Variants in C1QTNF3 observed in about 807,000 individuals in gnomAD.
The protein encoded by C1QTNF3 is complement C1q tumor necrosis factor-related protein 3.
Under a neutral mutation model 32.6 loss-of-function variants are expected in C1QTNF3, and 26 were observed. The ratio of observed to expected loss-of-function variants is 0.80; its 90% CI spans 0.58 to 1.11. C1QTNF3 has a LOEUF of 1.11. C1QTNF3 is among the 50% of genes least tolerant of loss of function. The pLI is 0.00. For synonymous variants in C1QTNF3, 155 were observed against 146.0 expected (o/e 1.06, Z -0.44); for missense variants, 362 against 398.2 (o/e 0.91, Z 0.77).
At chr5:34,022,318 C>A (rs938966929) in intron 5 of C1QTNF3, among the ~76,000 whole-genome samples, 3 of 152,190 alleles carry the variant, frequency 2.0e-5, no homozygotes, top group African/African-American at 7.2e-5. Context: ...TTCAAATTTG[C>A]ACCAGCAGGA....
At chr5:34,115,823 T>C in the C1QTNF3 span, among the ~76,000 whole-genome samples, 10 of 152,096 alleles carry the variant, frequency 6.6e-5, no homozygotes, top group African/African-American at 2.2e-4. Context: ...GTTAGATATA[T>C]CTTAGATGTT....
chr5:34,211,015 A>G, the C1QTNF3 span, among the ~76,000 whole-genome samples: 3 of 151,640 alleles, frequency 2.0e-5, no homozygotes, highest in South Asian at 4.2e-4. Context: ...GCATTTTATT[A>G]TTTCTATTTC....
the C1QTNF3 span, among the ~76,000 whole-genome samples, chr5:34,203,183 G>A: frequency 6.6e-6 from 1 of 152,054 alleles, no homozygotes; most frequent in East Asian, 1.9e-4. Flanking sequence ...AAAGTAGGAC[G>A]AGAAATCAAA....
chr5:34,119,378 ATGT>A, the C1QTNF3 span, among the ~76,000 whole-genome samples: 1 of 152,174 alleles, frequency 6.6e-6, no homozygotes, highest in Non-Finnish European at 1.5e-5. Context: ...TAAAGATTAG[ATGT>A]CAGGGACATA....
chr5:34,219,502 G>A, the C1QTNF3 span, among the ~76,000 whole-genome samples: 5 of 151,196 alleles, frequency 3.3e-5, no homozygotes, highest in South Asian at 2.1e-4. Context: ...CTGTATCTAC[G>A]TGCTGCACAA....
chr5:34,107,205 G>GTAAAGAACAGTATTCCT, the C1QTNF3 span, among the ~76,000 whole-genome samples: 1 of 122,740 alleles, frequency 8.1e-6, no homozygotes, highest in East Asian at 2.1e-4. Context: ...TTCAACAAAT[G>GTAAAGAACAGTATTCCT]TAAAGAACAG....
At chr5:34,123,727 T>G in the C1QTNF3 span, among the ~76,000 whole-genome samples, 2 of 152,174 alleles carry the variant, frequency 1.3e-5, no homozygotes, top group African/African-American at 2.4e-5. Context: ...ATGAGTATAT[T>G]CTAATTGATA....
chr5:34,169,230 CA>C, the C1QTNF3 span: 1 of 152,220 alleles, frequency 6.6e-6, no homozygotes, highest in Admixed American at 6.5e-5. Context: ...AACGAATTAA[CA>C]CAATTGTGAG....
At chr5:34,027,540 C>G (rs961844406) in intron 4 of C1QTNF3, among the ~76,000 whole-genome samples, 3 of 151,830 alleles carry the variant, frequency 2.0e-5, no homozygotes, top group Non-Finnish European at 4.4e-5. Flanking sequence ...TCTACTAAAA[C>G]TACAAAAATT....
the C1QTNF3 span, among the ~76,000 whole-genome samples, chr5:34,138,408 T>C: frequency 6.6e-6 from 1 of 152,148 alleles, no homozygotes; most frequent in Non-Finnish European, 1.5e-5. Context: ...ATCACTATCA[T>C]TGACTCATGT....
the C1QTNF3 span, among the ~76,000 whole-genome samples, chr5:34,182,329 A>T: frequency 5.3e-5 from 8 of 151,966 alleles, no homozygotes; most frequent in African/African-American, 1.7e-4. Context: ...TACAAAAAAA[A>T]TTTTTTTAAT....
At chr5:34,023,783 G>A (rs1754398208) in intron 5 of C1QTNF3, 126 bp downstream of exon 5, 1 of 616,056 alleles carries the variant, frequency 1.6e-6, no homozygotes, top group East Asian at 2.7e-5. Context: ...TGGTGCATGA[G>A]GGCTCTTATT....
At chr5:34,028,929 G>A (rs1430957680) in intron 3 of C1QTNF3, 46 bp from the exon 4 acceptor site, 1 of 1,566,354 alleles carries the variant, frequency 6.4e-7, no homozygotes, top group Non-Finnish European at 8.7e-7. Flanking sequence ...TTATCTTAAA[G>A]AAGTCAAGTT....
chr5:34,202,946 C>T, the C1QTNF3 span, among the ~76,000 whole-genome samples: 2 of 151,908 alleles, frequency 1.3e-5, no homozygotes, highest in Non-Finnish European at 2.9e-5. Context: ...GTAAATGTGC[C>T]ACCAAATACA....
the C1QTNF3 span, among the ~76,000 whole-genome samples, chr5:34,147,916 G>C: frequency 6.6e-6 from 1 of 152,126 alleles, no homozygotes; most frequent in African/African-American, 2.4e-5. Context: ...CGCAGAAGAC[G>C]GTGATTTCTG....
chr5:34,021,619 A>G (rs1561052966), intron 5 of C1QTNF3, among the ~76,000 whole-genome samples: 1 of 152,232 alleles, frequency 6.6e-6, no homozygotes, highest in Non-Finnish European at 1.5e-5. Context: ...AGGGACATGC[A>G]TGAAGCTGTA....
the C1QTNF3 span, among the ~76,000 whole-genome samples, chr5:34,054,236 C>A: frequency 6.6e-6 from 1 of 152,154 alleles, no homozygotes; most frequent in South Asian, 2.1e-4. Context: ...GATCTTAGCC[C>A]ACTGAAAAAG....
the C1QTNF3 span, among the ~76,000 whole-genome samples, chr5:34,054,450 T>C: frequency 6.6e-6 from 1 of 152,202 alleles, no homozygotes; most frequent in Non-Finnish European, 1.5e-5. Context: ...AGAATCTTTG[T>C]CTCATCTACT....
the C1QTNF3 span, among the ~76,000 whole-genome samples, chr5:34,227,383 C>T: frequency 2.0e-5 from 3 of 151,978 alleles, no homozygotes; most frequent in South Asian, 4.2e-4. Flanking sequence ...TGTGTGCCTA[C>T]GTCTTGATAA....
Sources: gnomAD v4.1 joint callset for allele counts (sites outside exome capture counted in the v4.1 genomes callset) on GRCh38, gnomAD v4.1.1 for gene constraint, MANE v1.5 for transcripts, NCBI Gene and HGNC (gene_info 2026-07-23, HGNC 2026-07-21) for gene names.